ERGIC1: variants seen among roughly 807,000 people sequenced by gnomAD.
ERGIC1 encodes the protein endoplasmic reticulum-golgi intermediate compartment 1.
In ERGIC1, 19 loss-of-function variants were observed where a neutral mutation model predicts 38.3. The observed-to-expected ratio is 0.50, with a 90% CI of 0.35 to 0.73. The LOEUF (loss-of-function observed/expected upper bound fraction) is 0.73. ERGIC1 is among the 30% of genes least tolerant of loss of function. The pLI is 0.01. For missense variants in ERGIC1, 294 were observed against 389.2 expected (o/e 0.76, Z 2.06); for synonymous variants, 124 against 157.6 (o/e 0.79, Z 1.60).
chr5:172,910,196 G>A (rs1388059402), intron 4 of ERGIC1, among the ~76,000 whole-genome samples: 1 of 152,184 alleles, frequency 6.6e-6, no homozygotes, highest in Non-Finnish European at 1.5e-5. Context: ...TGACACCATA[G>A]CATTTGTCAC....
chr5:172,886,723 G>A (rs1762432613), intron 1 of ERGIC1, among the ~76,000 whole-genome samples: 1 of 152,228 alleles, frequency 6.6e-6, no homozygotes, highest in Non-Finnish European at 1.5e-5. Flanking sequence ...GATAGTTACT[G>A]TTGTTGCCCC....
chr5:172,858,185 A>C (rs1761604279), intron 1 of ERGIC1, among the ~76,000 whole-genome samples: 1 of 152,184 alleles, frequency 6.6e-6, no homozygotes, highest in East Asian at 1.9e-4. Context: ...AGGGAGGCCC[A>C]GGTGGAGGGA....
chr5:172,877,456 A>ATTTTT (rs1561713693), intron 1 of ERGIC1, among the ~76,000 whole-genome samples: 1 of 79,768 alleles, frequency 1.3e-5, no homozygotes, highest in African/African-American at 4.2e-5. Context: ...ATATATATAT[A>ATTTTT]TATTTTTTTT....
intron 1 of ERGIC1, among the ~76,000 whole-genome samples, chr5:172,882,723 G>C (rs950987604): frequency 6.6e-6 from 1 of 152,070 alleles, no homozygotes; most frequent in African/African-American, 2.4e-5. Context: ...CTGTAGCTTT[G>C]GTCCAAATCT....
intron 1 of ERGIC1, among the ~76,000 whole-genome samples, chr5:172,844,282 C>T (rs1363039375): frequency 6.6e-6 from 1 of 152,186 alleles, no homozygotes; most frequent in Non-Finnish European, 1.5e-5. Context: ...TGGGCCATGG[C>T]CACCTGGAGC....
Position 172,950,866 on chromosome 5 carries a change from C to T in ERGIC1, c.*50C>T. On this transcript the variant is annotated 3_prime_UTR_variant, in exon 10 of 10. Coordinates refer to ENST00000393784, the MANE Select transcript of ERGIC1 (RefSeq NM_001031711.3). Reference sequence around the variant, plus strand: ...GGACCCTGGGCATCGCCAGCCTTGCCTCCAGTGCCCTGTCTCCTTTGGCCC... The same window carrying T: ...GGACCCTGGGCATCGCCAGCCTTGCTTCCAGTGCCCTGTCTCCTTTGGCCC... 6.6e-7 allele frequency: 1 copy of T among 1,511,676 alleles called. No individual in the cohort carries two copies. Among genetic ancestry groups the T allele is most frequent in the Middle Eastern group, 1.9e-4 (1 of 5,168 alleles). The allele number at this position is 1,511,676 out of a possible 1,614,324, so 93.6% of individuals were successfully genotyped here. A position where few individuals can be genotyped will look rare whatever the true frequency, so the allele number is the denominator to read the frequency against.
chr5:172,839,397 C>T (rs1334088616), intron 1 of ERGIC1, among the ~76,000 whole-genome samples: 1 of 146,752 alleles, frequency 6.8e-6, no homozygotes, highest in East Asian at 2.1e-4. Flanking sequence ...CAGACCCCAT[C>T]TCTATGGGGA....
intron 1 of ERGIC1, among the ~76,000 whole-genome samples, chr5:172,877,603 A>C (rs923732801): frequency 1.7e-5 from 2 of 117,458 alleles, no homozygotes; most frequent in African/African-American, 5.4e-5. Context: ...AAAATGTAAC[A>C]GAATGCAGCG....
chr5:172,874,879 C>A (rs899804887), intron 1 of ERGIC1, among the ~76,000 whole-genome samples: 1 of 148,986 alleles, frequency 6.7e-6, no homozygotes, highest in Non-Finnish European at 1.5e-5. Flanking sequence ...GAGCCATGAT[C>A]GCGCCACTGC....
At chr5:172,851,904 T>A (rs1761418381) in intron 1 of ERGIC1, among the ~76,000 whole-genome samples, 2 of 152,102 alleles carry the variant, frequency 1.3e-5, no homozygotes, top group South Asian at 4.1e-4. Flanking sequence ...TGGTAAGCAC[T>A]CCACTCATGT....
At chr5:172,850,853 T>G (rs573553221) in intron 1 of ERGIC1, among the ~76,000 whole-genome samples, 1 of 152,172 alleles carries the variant, frequency 6.6e-6, no homozygotes, top group Non-Finnish European at 1.5e-5. Flanking sequence ...CTCACATTTT[T>G]AAAAAATTGA....
In ERGIC1 at chr5:172,896,986, CTGT is replaced by C. The variant is rs766074581; in HGVS notation, c.83-11_83-9del. 3.1e-6 allele frequency: 5 copies of C among 1,613,742 alleles called. No individual in the cohort carries two copies. The highest frequency in any genetic ancestry group is 1.3e-5 in the African/African-American group (1 of 75,052). On this transcript the variant is annotated splice_polypyrimidine_tract_variant and intron_variant, in intron 2 of 9. Coordinates refer to ENST00000393784, the MANE Select transcript of ERGIC1 (RefSeq NM_001031711.3). The stretch of plus-strand genomic sequence containing the variant: ...CCACCACCCTTAACAGTTTGCATTT[CTGT>C]TGTTTCTTCCAGTCTCCATCTGCTG...
At chr5:172,855,685 G>C (rs546319341) in intron 1 of ERGIC1, among the ~76,000 whole-genome samples, 8 of 152,244 alleles carry the variant, frequency 5.3e-5, no homozygotes, top group Non-Finnish European at 1.2e-4. Flanking sequence ...TGGTGCTGGG[G>C]CAGGGAGCCA....
At chr5:172,885,363 T>C (rs1280839932) in intron 1 of ERGIC1, among the ~76,000 whole-genome samples, 1 of 151,256 alleles carries the variant, frequency 6.6e-6, no homozygotes, top group Non-Finnish European at 1.5e-5. Flanking sequence ...CAAACTCCTA[T>C]TCTCAAGCAG....
chr5:172,862,374 G>A (rs752384956), intron 1 of ERGIC1, among the ~76,000 whole-genome samples: 3 of 149,822 alleles, frequency 2.0e-5, no homozygotes, highest in Non-Finnish European at 3.0e-5. Context: ...GTGCAGTAGA[G>A]GAAAATGTAG....
chr5:172,903,055 C>T (rs1254763164), intron 3 of ERGIC1, among the ~76,000 whole-genome samples: 1 of 151,792 alleles, frequency 6.6e-6, no homozygotes, highest in Non-Finnish European at 1.5e-5. Context: ...CCCACGCACT[C>T]GCCTGACTCC....
chr5:172,914,889 C>T (rs1213113636), intron 5 of ERGIC1, 51 bp downstream of exon 5: 8 of 1,611,544 alleles, frequency 5.0e-6, no homozygotes, highest in Non-Finnish European at 6.8e-6. Context: ...TTCCTGCTGT[C>T]TCCCCGCTCC....
chr5:172,929,011 AT>A (rs1246633772), intron 7 of ERGIC1, among the ~76,000 whole-genome samples: 3 of 152,212 alleles, frequency 2.0e-5, no homozygotes, highest in African/African-American at 7.2e-5. Flanking sequence ...CTAGGGCAGA[AT>A]CTAAGGAGAA....
chr5:172,946,727 C>G (rs1049509637), intron 9 of ERGIC1, among the ~76,000 whole-genome samples: 3 of 152,192 alleles, frequency 2.0e-5, no homozygotes, highest in African/African-American at 7.2e-5. Flanking sequence ...GTCCTGGGAG[C>G]ACCAGAACCC....
Sources: gnomAD v4.1 joint callset for allele counts (sites outside exome capture counted in the v4.1 genomes callset) on GRCh38, gnomAD v4.1.1 for gene constraint, MANE v1.5 for transcripts, NCBI Gene and HGNC (gene_info 2026-07-23, HGNC 2026-07-21) for gene names.